Variants in GNAQ observed in about 807,000 individuals in gnomAD.
The protein encoded by GNAQ is guanine nucleotide-binding protein G(q) subunit alpha.
Under a neutral mutation model 43.9 loss-of-function variants are expected in GNAQ, and 8 were observed. That is an observed-to-expected ratio of 0.18 (90% CI 0.11 to 0.33). GNAQ has a LOEUF of 0.33. GNAQ is among the 10% of genes least tolerant of loss of function. The pLI, the probability that GNAQ is intolerant of heterozygous loss-of-function variation, is 1.00. For synonymous variants in GNAQ, 155 were observed against 170.7 expected, an observed-to-expected ratio of 0.91 and a Z score of 0.71; for missense variants, 158 against 450.8, an observed-to-expected ratio of 0.35 and a Z score of 5.88.
intron 5 of GNAQ, among the ~76,000 whole-genome samples, chr9:77,744,283 A>G (rs1196861604): frequency 6.6e-6 from 1 of 152,192 alleles, no homozygotes; most frequent in Non-Finnish European, 1.5e-5. Context: ...AACCAGGACT[A>G]ACTGTGGGAA....
chr9:77,818,572 T>A (rs1044937035), intron 2 of GNAQ, among the ~76,000 whole-genome samples: 45 of 152,114 alleles, frequency 3.0e-4, no homozygotes, highest in African/African-American at 1.0e-3. Context: ...GTAAAAATTA[T>A]AAGTAGTTAA....
intron 2 of GNAQ, among the ~76,000 whole-genome samples, chr9:77,904,494 G>C (rs2118172616): frequency 6.6e-6 from 1 of 151,736 alleles, no homozygotes; most frequent in South Asian, 2.1e-4. Context: ...CACCACGCCT[G>C]GCTACTTTTT....
intron 2 of GNAQ, among the ~76,000 whole-genome samples, chr9:77,834,803 T>C (rs1827357462): frequency 6.6e-6 from 1 of 152,292 alleles, no homozygotes; most frequent in South Asian, 2.1e-4. Context: ...GACAAAACCC[T>C]ATGCCCCACT....
At chr9:77,794,380 C>T in intron 5 of GNAQ, 83 bp downstream of exon 5, 2 of 927,894 alleles carry the variant, frequency 2.2e-6, no homozygotes, top group South Asian at 2.2e-5. Flanking sequence ...TAAGTTCACT[C>T]CATTCCCCAC....
At chr9:78,028,719 A>T (rs1170045649) in intron 1 of GNAQ, among the ~76,000 whole-genome samples, 9 of 152,238 alleles carry the variant, frequency 5.9e-5, no homozygotes, top group Non-Finnish European at 7.3e-5. Context: ...GAACCAGAAC[A>T]TTCAGTGTAC....
intron 1 of GNAQ, among the ~76,000 whole-genome samples, chr9:77,992,294 C>A (rs556908685): frequency 6.6e-6 from 1 of 152,154 alleles, no homozygotes; most frequent in Non-Finnish European, 1.5e-5. Context: ...TAGTCAACTA[C>A]CTTAATTTCC....
In GNAQ at chr9:78,031,241, C is replaced by T. The variant is rs1480003975; in HGVS notation, c.-6G>A. ...ATGATGGACTCCAGAGTCATTCTTC[C>T]AAAGTGCCTCCGCTGCAGCCCCGCC... On this transcript the variant is annotated 5_prime_UTR_variant, in exon 1 of 7. Transcript: ENST00000286548. The T allele has an allele frequency of 2.0e-6, 3 of 1,501,016 alleles. No homozygotes were observed. The South Asian group carries it at 3.8e-5, about 19-fold the overall frequency. The allele number at this position is 1,501,016 out of a possible 1,614,324, so 93.0% of individuals were successfully genotyped here. A position where few individuals can be genotyped will look rare whatever the true frequency, so the allele number is the denominator to read the frequency against.
chr9:77,873,693 G>A (rs1427178250), intron 2 of GNAQ, among the ~76,000 whole-genome samples: 1 of 152,336 alleles, frequency 6.6e-6, no homozygotes, highest in East Asian at 1.9e-4. Context: ...GCCAGGCAAC[G>A]AGGGGAAGCA....
At chr9:77,877,881 T>C (rs1034717552) in intron 2 of GNAQ, among the ~76,000 whole-genome samples, 1 of 152,136 alleles carries the variant, frequency 6.6e-6, no homozygotes, top group Admixed American at 6.6e-5. Context: ...TTGCCCCAAC[T>C]ACTCCCATTC....
At chr9:77,963,714 T>C (rs1022838514) in intron 1 of GNAQ, among the ~76,000 whole-genome samples, 35 of 152,118 alleles carry the variant, frequency 2.3e-4, no homozygotes, top group African/African-American at 8.0e-4. Context: ...TGAGAGTGGT[T>C]TGAGAAAGTT....
At chr9:77,917,019 A>G (rs113261375) in intron 2 of GNAQ, among the ~76,000 whole-genome samples, 1,526 of 152,336 alleles carry the variant, frequency 0.01, 30 homozygotes, top group African/African-American at 0.035. Flanking sequence ...AATTCACTCA[A>G]TAAACAAAAG....
rs181141654 is a variant in GNAQ at position 77,976,156 on chromosome 9, C to T, written c.137-53811G>A. On this transcript the variant is annotated intron_variant, in intron 1 of 6. Transcript: ENST00000286548. The stretch of plus-strand genomic sequence containing the variant: ...AGTTGTTTTAACTTTTTGTCTTCCA[C>T]CTGCTTCTAATTTATATTAGTTTAT... Among the ~76,000 whole-genome samples, 285 of 152,300 alleles carry T rather than the reference C, an allele frequency of 1.9e-3. 2 individuals are homozygous for T. Among genetic ancestry groups the T allele is most frequent in the African/African-American group, 6.0e-3 (251 of 41,570 alleles).
At chr9:77,769,680 T>TTTG (rs1199703450) in intron 5 of GNAQ, among the ~76,000 whole-genome samples, 8 of 150,360 alleles carry the variant, frequency 5.3e-5, no homozygotes, top group African/African-American at 2.0e-4. Flanking sequence ...TTTTTTTTTT[T>TTTG]TTGGGATGGA....
At chr9:77,934,269 G>C (rs1240372209) in intron 1 of GNAQ, among the ~76,000 whole-genome samples, 4 of 151,776 alleles carry the variant, frequency 2.6e-5, no homozygotes, top group African/African-American at 9.7e-5. Context: ...TGGATTTTAT[G>C]ATCATTTTCC....
Position 77,797,517 on chromosome 9 carries a change from T to C in GNAQ, c.605+3A>G. 6.2e-7 allele frequency: 1 copy of C among 1,610,990 alleles called. No homozygotes were observed. The stretch of plus-strand genomic sequence containing the variant: ...AAATAGGTTTCATGGACTCAGTTAC[T>C]ACCTGAAAATGACACTTTGTAAGTC... On this transcript the variant is annotated splice_donor_region_variant and intron_variant, in intron 4 of 6. Coordinates refer to ENST00000286548, the MANE Select transcript of GNAQ (RefSeq NM_002072.5).
chr9:77,762,314 C>G (rs562446143), intron 5 of GNAQ, among the ~76,000 whole-genome samples: 4,923 of 143,412 alleles, frequency 0.034, 195 homozygotes, highest in African/African-American at 0.11. Context: ...GTCAGCCCCC[C>G]GCCCGGCCAG....
intron 2 of GNAQ, among the ~76,000 whole-genome samples, chr9:77,887,361 T>A (rs1473342022): frequency 6.6e-6 from 1 of 152,254 alleles, no homozygotes. Context: ...TCTTTTAGTC[T>A]GTAATTTCAA....
intron 1 of GNAQ, among the ~76,000 whole-genome samples, chr9:77,991,704 TTATCC>T (rs923443198): frequency 3.3e-5 from 5 of 152,144 alleles, no homozygotes; most frequent in African/African-American, 9.7e-5. Flanking sequence ...ATGCAGTCTT[TTATCC>T]CTCACCCCCG....
intron 2 of GNAQ, among the ~76,000 whole-genome samples, chr9:77,865,639 A>C (rs1257979522): frequency 6.6e-6 from 1 of 152,218 alleles, no homozygotes; most frequent in African/African-American, 2.4e-5. Context: ...CCTGACCACA[A>C]GGTGTTCAGA....
Sources: gnomAD v4.1 joint callset for allele counts (sites outside exome capture counted in the v4.1 genomes callset) on GRCh38, gnomAD v4.1.1 for gene constraint, MANE v1.5 for transcripts, NCBI Gene and HGNC (gene_info 2026-07-23, HGNC 2026-07-21) for gene names.